The following RASA3 variants were observed in gnomAD, a reference collection of about 807,000 sequenced individuals.
RASA3 encodes RAS p21 protein activator 3, also known as ras GTPase-activating protein 3.
RASA3 carries 73 observed loss-of-function variants against 110.0 expected under a neutral mutation model. The observed-to-expected ratio is 0.66, with a 90% CI of 0.55 to 0.81. The LOEUF is 0.81. RASA3 is among the 30% of genes least tolerant of loss of function. RASA3 has a pLI of 0.00. For synonymous variants in RASA3, 500 were observed against 451.4 expected, an observed-to-expected ratio of 1.11 and a Z score of -1.37; for missense variants, 976 against 1,113.2, an observed-to-expected ratio of 0.88 and a Z score of 1.75.
intron 4 of RASA3, among the ~76,000 whole-genome samples, chr13:114,034,146 G>A (rs993692481): frequency 6.6e-6 from 1 of 152,000 alleles, no homozygotes; most frequent in African/African-American, 2.4e-5. Flanking sequence ...ACACCAGCCG[G>A]GCACTGGGCC....
At chr13:114,100,992 C>T (rs952566643) in intron 1 of RASA3, among the ~76,000 whole-genome samples, 11 of 152,160 alleles carry the variant, frequency 7.2e-5, no homozygotes, top group East Asian at 1.9e-4. Context: ...TGACTGAAAC[C>T]GCAGGTGAGG....
At chr13:114,037,275 A>G (rs2054296324) in intron 4 of RASA3, among the ~76,000 whole-genome samples, 1 of 152,216 alleles carries the variant, frequency 6.6e-6, no homozygotes, top group African/African-American at 2.4e-5. Context: ...CTGTCACAAC[A>G]GCCCATCGGC....
intron 4 of RASA3, among the ~76,000 whole-genome samples, chr13:114,040,267 T>C (rs1556126): frequency 0.43 from 50,863 of 118,918 alleles, 9,241 homozygotes; most frequent in Middle Eastern, 0.56. Flanking sequence ...CACAAGCGGG[T>C]GAACACGCCC....
At position 114,029,949 on chromosome 13, in the gene RASA3, C is replaced by T. The variant is rs917006471; in HGVS notation, c.373-62G>A. ...CGCTGCTCCCACAGGCCACTAGGGC[C>T]GCGCGCCCAGGGAAAGCCTAGAGGG... is the stretch of plus-strand genomic sequence containing the variant. On this transcript the variant is annotated intron_variant, in intron 4 of 23. Transcript: ENST00000334062. 1.3e-4 allele frequency: 193 copies of T among 1,466,884 alleles called. 1 individual carries two copies. The highest frequency in any genetic ancestry group is 8.9e-4 in the Middle Eastern group (4 of 4,480). 90.9% of individuals were successfully genotyped at this position (1,466,884 alleles called of 1,614,324 possible). A position where few individuals can be genotyped will look rare whatever the true frequency, so the allele number is the denominator to read the frequency against.
intron 1 of RASA3, among the ~76,000 whole-genome samples, chr13:114,075,502 T>G (rs9525240): frequency 0.25 from 19,478 of 79,402 alleles, 2,657 homozygotes; most frequent in African/African-American, 0.36. Context: ...GGACGAAGCC[T>G]CCCGTGTCGG....
chr13:114,003,362 T>A (rs2053445059), intron 18 of RASA3, among the ~76,000 whole-genome samples: 2 of 152,152 alleles, frequency 1.3e-5, no homozygotes, highest in African/African-American at 2.4e-5. Flanking sequence ...CTTGAACCTG[T>A]ATCTACAGCA....
intron 19 of RASA3, 79 bp downstream of exon 19, chr13:114,000,747 C>T: frequency 9.2e-7 from 1 of 1,082,850 alleles, no homozygotes; most frequent in Non-Finnish European, 1.4e-6. Context: ...CCCCTCAGCT[C>T]TCCCCCTGAA....
chr13:113,989,835 C>T (rs990606763), intron 22 of RASA3, among the ~76,000 whole-genome samples: 1 of 152,228 alleles, frequency 6.6e-6, no homozygotes, highest in Non-Finnish European at 1.5e-5. Flanking sequence ...AGGAAGGTCA[C>T]TGCATATGGA....
chr13:114,024,432 C>A, intron 7 of RASA3, 77 bp from the exon 8 acceptor site: 1 of 1,316,150 alleles, frequency 7.6e-7, no homozygotes, highest in Non-Finnish European at 1.1e-6. Flanking sequence ...AGGCCCCGGG[C>A]TGCCCTACCC....
At chr13:114,001,077 A>C in intron 18 of RASA3, 145 bp from the exon 19 acceptor site, 1 of 630,704 alleles carries the variant, frequency 1.6e-6, no homozygotes, top group Non-Finnish European at 2.8e-6. Context: ...CCGAGTGATG[A>C]GATTAAAATT....
At chr13:114,058,355 G>A (rs566995276) in intron 2 of RASA3, among the ~76,000 whole-genome samples, 1 of 152,304 alleles carries the variant, frequency 6.6e-6, no homozygotes, top group African/African-American at 2.4e-5. Context: ...CACCACTCAC[G>A]TTGTCTGCAC....
chr13:114,073,952 C>A (rs1027368617), intron 1 of RASA3, 115 bp from the exon 2 acceptor site: 10 of 966,114 alleles, frequency 1.0e-5, no homozygotes, highest in Non-Finnish European at 1.5e-5. Context: ...TCTATAAAGC[C>A]TTGGTTTTTT....
At chr13:113,981,316 G>A (rs900596725) in intron 23 of RASA3, among the ~76,000 whole-genome samples, 5 of 152,234 alleles carry the variant, frequency 3.3e-5, no homozygotes, top group Non-Finnish European at 5.9e-5. Context: ...GGCCTGGAGA[G>A]ATGCCAGAGG....
At chr13:114,024,055 C>A (rs1448920518) in intron 8 of RASA3, among the ~76,000 whole-genome samples, 1 of 152,226 alleles carries the variant, frequency 6.6e-6, no homozygotes, top group African/African-American at 2.4e-5. Context: ...CAGAGGGATG[C>A]GGACCTCTGG....
intron 4 of RASA3, among the ~76,000 whole-genome samples, chr13:114,034,858 C>T (rs1000516633): frequency 4.4e-4 from 67 of 152,248 alleles, no homozygotes; most frequent in African/African-American, 1.4e-3. Flanking sequence ...TCTGGAGTGC[C>T]GGCCACACAG....
At chr13:114,082,115 G>A (rs2079795585) in intron 1 of RASA3, among the ~76,000 whole-genome samples, 1 of 152,236 alleles carries the variant, frequency 6.6e-6, no homozygotes, top group South Asian at 2.1e-4. Flanking sequence ...AGCCAGGACT[G>A]AGAGGCATTA....
At chr13:114,088,925 C>T (rs1395251054) in intron 1 of RASA3, among the ~76,000 whole-genome samples, 1 of 152,110 alleles carries the variant, frequency 6.6e-6, no homozygotes, top group Non-Finnish European at 1.5e-5. Context: ...ATTATGGAAA[C>T]AAAGTAGAGA....
intron 22 of RASA3, among the ~76,000 whole-genome samples, chr13:113,982,676 T>C (rs2052963041): frequency 6.6e-6 from 1 of 152,234 alleles, no homozygotes; most frequent in Admixed American, 6.5e-5. Context: ...GAATGAATGT[T>C]TGTGCCCCCA....
At chr13:114,117,738 A>AGCATGTGTGTGAGGGGT (rs1566586000) in intron 1 of RASA3, among the ~76,000 whole-genome samples, 2 of 86,786 alleles carry the variant, frequency 2.3e-5, no homozygotes, top group South Asian at 8.2e-4. Flanking sequence ...GTGTGAGGAG[A>AGCATGTGTGTGAGGGGT]GCACGTGTGT....
Sources: gnomAD v4.1 joint callset for allele counts (sites outside exome capture counted in the v4.1 genomes callset) on GRCh38, gnomAD v4.1.1 for gene constraint, MANE v1.5 for transcripts, NCBI Gene and HGNC (gene_info 2026-07-23, HGNC 2026-07-21) for gene names.